The following LRRC7 variants were observed in gnomAD, a reference collection of about 807,000 sequenced individuals.
LRRC7 encodes the protein leucine-rich repeat-containing protein 7.
LRRC7 carries 23 observed loss-of-function variants against 175.7 expected under a neutral mutation model. The observed-to-expected ratio is 0.13, with a 90% CI of 0.09 to 0.19. LRRC7 has a LOEUF of 0.19. Among genes scored for constraint, LRRC7 ranks in the 10% least tolerant of loss-of-function variants. The pLI is 1.00. For missense variants in LRRC7, 1,354 were observed against 1,904.7 expected, an observed-to-expected ratio of 0.71 and a Z score of 5.38; for synonymous variants, 685 against 680.9, an observed-to-expected ratio of 1.01 and a Z score of -0.09.
chr1:70,096,940 C>G (rs1461158216), intron 25 of LRRC7, among the ~76,000 whole-genome samples: 1 of 152,180 alleles, frequency 6.6e-6, no homozygotes, highest in African/African-American at 2.4e-5. Flanking sequence ...CTTCATTCAT[C>G]AGCCACAGGC....
At chr1:69,666,432 T>C (rs1334007956) in intron 1 of LRRC7, among the ~76,000 whole-genome samples, 2 of 152,078 alleles carry the variant, frequency 1.3e-5, no homozygotes, top group Non-Finnish European at 2.9e-5. Context: ...TCATCAGCGA[T>C]ACCATTCGGT....
intron 8 of LRRC7, among the ~76,000 whole-genome samples, chr1:69,979,824 A>G (rs555866683): frequency 2.7e-4 from 41 of 152,072 alleles, no homozygotes; most frequent in Admixed American, 1.2e-3. Context: ...TGGTGCAAAC[A>G]TAATTGCCGT....
At chr1:69,898,799 C>A (rs1646053254) in intron 7 of LRRC7, among the ~76,000 whole-genome samples, 2 of 152,178 alleles carry the variant, frequency 1.3e-5, no homozygotes, top group Non-Finnish European at 2.9e-5. Flanking sequence ...TTCACTGACA[C>A]CAGAAAGGAT....
chr1:70,117,139 C>T (rs981741677), intron 26 of LRRC7, among the ~76,000 whole-genome samples: 1 of 152,176 alleles, frequency 6.6e-6, no homozygotes, highest in Non-Finnish European at 1.5e-5. Flanking sequence ...ATCACATGCC[C>T]ATATCTCTAA....
chr1:69,954,114 G>A (rs1650245806), intron 8 of LRRC7, among the ~76,000 whole-genome samples: 1 of 151,982 alleles, frequency 6.6e-6, no homozygotes, highest in Non-Finnish European at 1.5e-5. Flanking sequence ...TATGACTGGG[G>A]TAATGAAGAT....
rs757634801 is a variant in LRRC7, at chr1:69,992,707, G to GGAA, written c.932-1854_932-1853insGAA. ...CTTGGAGCTGAGCAGGAACTAAATTGCTTCAACCTTTAAAGATATTGAAAA... is the reference window on the plus strand; with the variant it reads ...CTTGGAGCTGAGCAGGAACTAAATTGGAACTTCAACCTTTAAAGATATTGAAAA... On this transcript the variant is annotated intron_variant, in intron 10 of 26. Transcript: ENST00000651989. 6.2e-4 allele frequency among the ~76,000 whole-genome samples: 95 copies of GGAA among 152,260 alleles called. 1 individual carries two copies. Among genetic ancestry groups the GGAA allele is most frequent in the Non-Finnish European group, 1.2e-3 (79 of 68,014 alleles).
At chr1:69,619,976 T>G (rs151170558) in intron 1 of LRRC7, among the ~76,000 whole-genome samples, 85 of 152,334 alleles carry the variant, frequency 5.6e-4, no homozygotes, top group African/African-American at 1.8e-3. Context: ...GATTGCAGAT[T>G]CTATCTTGCA....
intron 2 of LRRC7, among the ~76,000 whole-genome samples, chr1:69,731,322 AACTC>A (rs1189312721): frequency 1.3e-5 from 2 of 151,944 alleles, no homozygotes; most frequent in African/African-American, 2.4e-5. Context: ...ACCTCATGAG[AACTC>A]ACTCACTATT....
At chr1:70,016,565 T>G (rs1157317688) in intron 14 of LRRC7, 31 bp downstream of exon 14, 1 of 1,483,576 alleles carries the variant, frequency 6.7e-7, no homozygotes, top group Non-Finnish European at 9.1e-7. Context: ...ATTTATTTAT[T>G]AAGATGAACT....
rs1674973960 is a variant in LRRC7, at chr1:69,790,439, G to A, written c.304-1604G>A. On this transcript the variant is annotated intron_variant, in intron 3 of 26. Transcript: ENST00000651989. The stretch of plus-strand genomic sequence containing the variant: ...ATTCTTGAGCTCACTTCAGAATTTA[G>A]TTGGGATGATGAGAAAAATTTATAA... Among the ~76,000 whole-genome samples, 3 of 151,984 alleles carry A rather than the reference G, an allele frequency of 2.0e-5. No individual in the cohort carries two copies. The South Asian group carries it at 6.2e-4, about 31-fold the overall frequency.
rs184400758 is a variant in LRRC7 at position 69,736,764 on chromosome 1, C to A, written c.101-23427C>A. 3.6e-3 allele frequency among the ~76,000 whole-genome samples: 551 copies of A among 152,204 alleles called. 3 individuals are homozygous for A. The highest frequency in any genetic ancestry group is 0.012 in the African/African-American group (509 of 41,546). ...GACCAGGCTGCGGGTTCTTTCTCTTCTTTCTCCGTGTTGAGGCTCACAGTA... is the reference window on the plus strand; with the variant it reads ...GACCAGGCTGCGGGTTCTTTCTCTTATTTCTCCGTGTTGAGGCTCACAGTA... On this transcript the variant is annotated intron_variant, in intron 2 of 26. Transcript: ENST00000651989.
chr1:69,748,940 C>T (rs1669538495), intron 2 of LRRC7, among the ~76,000 whole-genome samples: 1 of 152,062 alleles, frequency 6.6e-6, no homozygotes, highest in Admixed American at 6.6e-5. Flanking sequence ...TTGAGAGTAT[C>T]CTAATGCTTA....
intron 4 of LRRC7, among the ~76,000 whole-genome samples, chr1:69,807,096 T>A (rs916084202): frequency 6.6e-6 from 1 of 152,112 alleles, no homozygotes; most frequent in East Asian, 1.9e-4. Context: ...AAAGTATGTT[T>A]TATCAGAGAC....
intron 8 of LRRC7, among the ~76,000 whole-genome samples, chr1:69,973,682 T>C (rs12042723): frequency 0.047 from 7,097 of 152,146 alleles, 173 homozygotes; most frequent in South Asian, 0.1. Context: ...GCCTCGTAGG[T>C]TCAAGCGATC....
At chr1:70,055,492 A>G (rs899983294) in intron 23 of LRRC7, among the ~76,000 whole-genome samples, 3 of 152,200 alleles carry the variant, frequency 2.0e-5, no homozygotes, top group Admixed American at 6.5e-5. Context: ...GATATGCTGT[A>G]TTAGTCCATT....
At chr1:69,739,937 T>C (rs1017602676) in intron 2 of LRRC7, among the ~76,000 whole-genome samples, 8 of 152,098 alleles carry the variant, frequency 5.3e-5, no homozygotes, top group Admixed American at 1.3e-4. Context: ...TTCTGTTAGT[T>C]AGAACCTGGT....
At chr1:69,888,571 C>G (rs907581134) in intron 7 of LRRC7, among the ~76,000 whole-genome samples, 1 of 152,100 alleles carries the variant, frequency 6.6e-6, no homozygotes, top group Admixed American at 6.5e-5. Context: ...AGAAATCACC[C>G]GTCTTCTGCG....
chr1:70,022,625 A>T (rs1471954513), intron 16 of LRRC7, among the ~76,000 whole-genome samples: 1 of 152,162 alleles, frequency 6.6e-6, no homozygotes, highest in African/African-American at 2.4e-5. Flanking sequence ...TGTGTTTCAA[A>T]ATCTCAAACT....
At chr1:70,024,941 GA>G (rs1657928582) in intron 17 of LRRC7, among the ~76,000 whole-genome samples, 1 of 151,920 alleles carries the variant, frequency 6.6e-6, no homozygotes, top group African/African-American at 2.4e-5. Flanking sequence ...TAAAAAAATA[GA>G]AATTATTTTG....
Sources: gnomAD v4.1 joint callset for allele counts (sites outside exome capture counted in the v4.1 genomes callset) on GRCh38, gnomAD v4.1.1 for gene constraint, MANE v1.5 for transcripts, NCBI Gene and HGNC (gene_info 2026-07-23, HGNC 2026-07-21) for gene names.